The following PRSS41 variants were observed in gnomAD, a reference collection of about 807,000 sequenced individuals.
PRSS41 encodes the protein serine protease 41.
In PRSS41, 37 loss-of-function variants were observed where a neutral mutation model predicts 28.8. The observed-to-expected ratio is 1.29, with a 90% CI of 0.99 to 1.69. PRSS41 has a LOEUF of 1.69. PRSS41 is among the 40% of genes most tolerant of loss of function. The probability of loss-of-function intolerance (pLI) is 0.00; values close to 1 mark genes in which losing one functional copy is unlikely to be tolerated. For missense variants in PRSS41, 431 were observed against 400.7 expected (o/e 1.08, Z -0.65); for synonymous variants, 195 against 163.1 (o/e 1.20, Z -1.49).
intron 4 of PRSS41, among the ~76,000 whole-genome samples, chr16:2,800,542 C>CA (rs56393015): frequency 1.2e-4 from 10 of 81,914 alleles, no homozygotes; most frequent in East Asian, 9.6e-4. Flanking sequence ...GACTCCATCT[C>CA]AAAAAAAAAA....
At chr16:2,802,023 C>G (rs1033297330) in intron 4 of PRSS41, among the ~76,000 whole-genome samples, 7 of 133,538 alleles carry the variant, frequency 5.2e-5, no homozygotes, top group Non-Finnish European at 7.8e-5. Flanking sequence ...GTGGGGCTGA[C>G]CCCCCCCACC....
rs2068996873 is a variant in PRSS41, at chr16:2,802,615, T to A, written c.542-1774T>A. Among the ~76,000 whole-genome samples, 5 of 152,182 alleles carry A rather than the reference T, an allele frequency of 3.3e-5. No homozygotes were observed. The South Asian group carries it at 1.0e-3, about 31-fold the overall frequency. ...CCATTGAGCACTGAGTGAACCAGAC[T>A]CCGTCTGCAATCCCGGCACCTCGGG... On this transcript the variant is annotated intron_variant, in intron 4 of 5. Transcript: ENST00000399677.
At chr16:2,798,532 T>C in exon 1 of PRSS41, 1 of 1,530,422 alleles carries the variant, frequency 6.5e-7, no homozygotes, top group Non-Finnish European at 8.8e-7. Flanking sequence ...TGGCTCGGGC[T>C]GGACTCGGGA....
chr16:2,802,785 C>G (rs1019450187), intron 4 of PRSS41, among the ~76,000 whole-genome samples: 2 of 151,878 alleles, frequency 1.3e-5, no homozygotes, highest in Admixed American at 1.3e-4. Context: ...GCAGGAGAAT[C>G]AGGCAGGGAG....
chr16:2,804,896 A>G lies in PRSS41; in HGVS notation c.700-18A>G, dbSNP rs1409851827. The G allele has an allele frequency of 2.6e-5, 40 of 1,563,202 alleles. No individual in the cohort carries two copies. Among genetic ancestry groups the G allele is most frequent in the Non-Finnish European group, 3.3e-5 (38 of 1,151,674 alleles). On this transcript the variant is annotated intron_variant, in intron 5 of 5. Coordinates refer to ENST00000399677, the Ensembl canonical transcript of PRSS41. ...ACCCACTCTGCCCCAGCCTGGGCTCACCCATGCTGCTCCCCAGGGTGACTC... is the reference window on the plus strand; with the variant it reads ...ACCCACTCTGCCCCAGCCTGGGCTCGCCCATGCTGCTCCCCAGGGTGACTC...
chr16:2,799,298 C>T (rs770980239), exon 4 of PRSS41: 16 of 1,551,512 alleles, frequency 1.0e-5, no homozygotes, highest in Middle Eastern at 1.7e-4. Context: ...ACTACTATCC[C>T]TCCGAGTGGA....
At chr16:2,799,630 C>T (rs902573559) in intron 4 of PRSS41, 61 bp downstream of exon 4, 48 of 1,497,510 alleles carry the variant, frequency 3.2e-5, no homozygotes, top group Non-Finnish European at 4.2e-5. Context: ...TACCCTCTAC[C>T]CCTGTTCCCG....
In PRSS41 at chr16:2,798,529, G is replaced by T. The variant is rs755479662; in HGVS notation, c.45G>T (p.Arg15=). 73 of 1,531,486 alleles carry T rather than the reference G, an allele frequency of 4.8e-5. 1 individual carries two copies. The African/African-American group carries it at 5.5e-4, about 11-fold the overall frequency. The allele number at this position is 1,531,486 out of a possible 1,614,324, so 94.9% of individuals were successfully genotyped here. A position where few individuals can be genotyped will look rare whatever the true frequency, so the allele number is the denominator to read the frequency against. ...TGCTGCTGGCGCTGCTGCTGGCTCG[G>T]GCTGGACTCGGGAAGCCGGGTGAGC... The change falls in exon 1 of 6, where the codon CGG becomes CGT. Residue 15 remains arginine (R), a synonymous_variant. Coordinates refer to ENST00000399677, the Ensembl canonical transcript of PRSS41.
At chr16:2,799,969 T>C (rs2068975880) in intron 4 of PRSS41, among the ~76,000 whole-genome samples, 1 of 152,264 alleles carries the variant, frequency 6.6e-6, no homozygotes, top group South Asian at 2.1e-4. Context: ...CAGTGATTTG[T>C]AGCCTACAGT....
intron 4 of PRSS41, among the ~76,000 whole-genome samples, chr16:2,801,814 A>G (rs1189727417): frequency 1.3e-5 from 2 of 151,948 alleles, no homozygotes; most frequent in Non-Finnish European, 2.9e-5. Context: ...ATTCCACAAA[A>G]CCGCCATTGT....
rs759514094 is a variant in PRSS41, at chr16:2,805,102, G to C, written c.888G>C (p.Leu296Phe). 6 of 1,551,698 alleles carry C rather than the reference G, an allele frequency of 3.9e-6. No homozygotes were observed. In the South Asian group the frequency reaches 7.1e-5, roughly 18 times the overall value. ...CCAGGCCAAACCCCTCCCAGCTGTT[G>C]CTGCTCCTTGCCCTGCTGTGGGCTC... The change falls in exon 6 of 6, where the codon TTG becomes TTC. Residue 296 changes from leucine (L) to phenylalanine (F), a missense_variant. Coordinates refer to ENST00000399677, the Ensembl canonical transcript of PRSS41.
At chr16:2,804,840 C>A in intron 5 of PRSS41, 74 bp from the exon 6 acceptor site, 5 of 1,159,192 alleles carry the variant, frequency 4.3e-6, no homozygotes, top group African/African-American at 1.5e-5. Context: ...AGCCCCACAG[C>A]CCCTCCTGCT....
intron 4 of PRSS41, among the ~76,000 whole-genome samples, chr16:2,803,897 C>G (rs1229734926): frequency 6.6e-6 from 1 of 152,128 alleles, no homozygotes; most frequent in Non-Finnish European, 1.5e-5. Context: ...AAGACTCTCC[C>G]TTTATCTTTT....
chr16:2,800,998 C>T (rs2150798631), intron 4 of PRSS41, among the ~76,000 whole-genome samples: 1 of 152,134 alleles, frequency 6.6e-6, no homozygotes, highest in African/African-American at 2.4e-5. Flanking sequence ...ATAGTGTCTC[C>T]AAGGTTCATT....
At chr16:2,801,535 A>G (rs61578075) in intron 4 of PRSS41, among the ~76,000 whole-genome samples, 2,130 of 151,342 alleles carry the variant, frequency 0.014, 27 homozygotes, top group African/African-American at 0.045. Context: ...AGGGATTGGT[A>G]ATGACTCTTA....
At chr16:2,802,287 G>C (rs1432591026) in intron 4 of PRSS41, among the ~76,000 whole-genome samples, 7 of 150,374 alleles carry the variant, frequency 4.7e-5, no homozygotes, top group Non-Finnish European at 1.0e-4. Flanking sequence ...GACGATGGGC[G>C]GCCGGGCAGA....
At chr16:2,802,300 C>A (rs1206518549) in intron 4 of PRSS41, among the ~76,000 whole-genome samples, 1 of 150,158 alleles carries the variant, frequency 6.7e-6, no homozygotes, top group Admixed American at 6.7e-5. Flanking sequence ...CGGGCAGAGA[C>A]GCTCCTCACT....
intron 4 of PRSS41, 95 bp downstream of exon 4, chr16:2,799,664 C>G: frequency 4.4e-6 from 6 of 1,350,586 alleles, no homozygotes; most frequent in African/African-American, 1.4e-5. Flanking sequence ...GCAGCCCCCT[C>G]CTTGGTCTGG....
At chr16:2,800,027 G>A (rs2068976194) in intron 4 of PRSS41, among the ~76,000 whole-genome samples, 1 of 152,244 alleles carries the variant, frequency 6.6e-6, no homozygotes, top group African/African-American at 2.4e-5. Flanking sequence ...TGCATCATGA[G>A]GCACTTTCAT....
Sources: allele counts gnomAD v4.1 joint callset (sites outside exome capture counted in the v4.1 genomes callset), GRCh38; gene constraint gnomAD v4.1.1; transcripts MANE v1.5; gene names NCBI Gene and HGNC (gene_info 2026-07-23, HGNC 2026-07-21).